The following WDR48 variants were observed in gnomAD, a reference collection of about 807,000 sequenced individuals.
WDR48 encodes WD repeat-containing protein 48.
Under a neutral mutation model 94.0 loss-of-function variants are expected in WDR48, and 22 were observed. The observed-to-expected ratio is 0.23, with a 90% confidence interval of 0.17 to 0.33. The LOEUF is 0.33. Ranked by LOEUF, WDR48 falls within the 10% of genes least tolerant of loss-of-function variation. The pLI is 1.00. For missense variants in WDR48, 541 were observed against 813.8 expected (o/e 0.66, Z 4.08); for synonymous variants, 278 against 280.5 (o/e 0.99, Z 0.09).
intron 17 of WDR48, among the ~76,000 whole-genome samples, chr3:39,092,128 T>G (rs914725930): frequency 1.3e-5 from 2 of 152,198 alleles, no homozygotes; most frequent in African/African-American, 4.8e-5. Flanking sequence ...GCAAAGATCA[T>G]GCTACTGCAC....
In WDR48 at chr3:39,096,598, C is replaced by T. The variant is rs1253200671; in HGVS notation, c.*1855C>T. ...TACAGTTTCCAGAAAATTCGACAGT[C>T]TGCAATGCCAAAAGGGTAAAAATCT... is the stretch of plus-strand genomic sequence containing the variant. On this transcript the variant is annotated 3_prime_UTR_variant, in exon 19 of 19. Transcript: ENST00000302313. The T allele has an allele frequency of 2.6e-5, 4 of 152,132 alleles. No homozygotes were observed. The highest frequency in any genetic ancestry group is 7.2e-5 in the African/African-American group (3 of 41,442). 9.4% of individuals were successfully genotyped at this position (152,132 alleles called of 1,614,324 possible).
At chr3:39,084,865 G>A (rs1307533030) in intron 13 of WDR48, 124 bp downstream of exon 13, 1 of 707,112 alleles carries the variant, frequency 1.4e-6, no homozygotes, top group Non-Finnish European at 2.3e-6. Flanking sequence ...TCCTAAAAAT[G>A]TGGTATGTAC....
Position 39,091,636 on chromosome 3 carries a change from C to A in WDR48, c.1680C>A (p.Pro560=), listed in dbSNP as rs1415109308. Residue 560 remains proline (P), a synonymous_variant, in exon 17 of 19, where the codon CCC becomes CCA. Transcript: ENST00000302313. The part of the protein sequence containing the change: ...VIDITVDKNM[P]KFNKIPFYLQ... ...TTTTACTGTTTCAGAAAAATATGCC[C>A]AAATTCAACAAAATTCCTTTCTACC... 6.2e-7 allele frequency: 1 copy of A among 1,604,864 alleles called. No homozygotes were observed. Among genetic ancestry groups the A allele is most frequent in the Admixed American group, 1.7e-5 (1 of 57,826 alleles).
At chr3:39,067,962 A>G (rs546819800) in intron 5 of WDR48, among the ~76,000 whole-genome samples, 1 of 152,108 alleles carries the variant, frequency 6.6e-6, no homozygotes, top group Non-Finnish European at 1.5e-5. Flanking sequence ...GCCTGCCTCA[A>G]AGAGACACTA....
At chr3:39,071,279 G>A (rs550668012) in intron 7 of WDR48, among the ~76,000 whole-genome samples, 2 of 152,262 alleles carry the variant, frequency 1.3e-5, no homozygotes, top group East Asian at 3.9e-4. Context: ...TTAACTGTAA[G>A]CCAGGGCATT....
intron 10 of WDR48, among the ~76,000 whole-genome samples, chr3:39,079,192 T>C (rs1290509260): frequency 1.3e-5 from 2 of 151,078 alleles, no homozygotes; most frequent in African/African-American, 5.0e-5. Context: ...AGGACAGATA[T>C]GATCCTCAAA....
chr3:39,068,001 A>G (rs1393956531), intron 5 of WDR48, among the ~76,000 whole-genome samples: 1 of 152,106 alleles, frequency 6.6e-6, no homozygotes, highest in Admixed American at 6.6e-5. Flanking sequence ...AAAAAAAAAA[A>G]GCAGGTTGTC....
intron 14 of WDR48, among the ~76,000 whole-genome samples, chr3:39,087,083 T>C (rs149023881): frequency 6.6e-6 from 1 of 152,184 alleles, no homozygotes; most frequent in Admixed American, 6.5e-5. Context: ...AGAGAGTTAC[T>C]TATGGAAAGC....
chr3:39,060,410 GTGTGTGTGCA>G (rs987834893), intron 1 of WDR48, among the ~76,000 whole-genome samples: 2 of 133,982 alleles, frequency 1.5e-5, no homozygotes, highest in African/African-American at 6.3e-5. Context: ...AGTACAGTGT[GTGTGTGTGCA>G]TATATATATA....
At chr3:39,058,334 G>A (rs1015330249) in intron 1 of WDR48, among the ~76,000 whole-genome samples, 1 of 152,200 alleles carries the variant, frequency 6.6e-6, no homozygotes, top group Non-Finnish European at 1.5e-5. Flanking sequence ...ATCCAACTAG[G>A]ATACTTCTAA....
intron 11 of WDR48, among the ~76,000 whole-genome samples, chr3:39,082,641 A>G (rs12636980): frequency 0.29 from 44,562 of 151,996 alleles, 6,852 homozygotes; most frequent in African/African-American, 0.38. Context: ...TGAGTCCCAG[A>G]TTTCTTGATT....
chr3:39,055,868 G>C (rs534487886), intron 1 of WDR48, among the ~76,000 whole-genome samples: 1 of 152,086 alleles, frequency 6.6e-6, no homozygotes, highest in African/African-American at 2.4e-5. Flanking sequence ...CGCTTAACTT[G>C]CTGCCACTTC....
At chr3:39,077,279 G>T in intron 9 of WDR48, 66 bp downstream of exon 9, 1 of 1,574,408 alleles carries the variant, frequency 6.4e-7, no homozygotes, top group Non-Finnish European at 8.7e-7. Flanking sequence ...ACCTGTAGAC[G>T]CCAGTTGCAA....
intron 18 of WDR48, chr3:39,094,362 C>T (rs1304985531): frequency 1.7e-5 from 25 of 1,448,464 alleles, no homozygotes; most frequent in South Asian, 2.9e-5. Flanking sequence ...TGAAGGTGTG[C>T]GGAGAAATGG....
At chr3:39,054,552 T>A (rs1032307876) in intron 1 of WDR48, among the ~76,000 whole-genome samples, 13 of 152,246 alleles carry the variant, frequency 8.5e-5, no homozygotes, top group African/African-American at 1.2e-4. Context: ...GTATTCACTG[T>A]TTTGTGTCTT....
intron 1 of WDR48, among the ~76,000 whole-genome samples, chr3:39,061,551 A>C (rs1447296232): frequency 6.6e-6 from 1 of 152,188 alleles, no homozygotes; most frequent in Non-Finnish European, 1.5e-5. Context: ...ATAGTGCTGC[A>C]ATAAACATAC....
chr3:39,067,597 G>A (rs1231330041), intron 5 of WDR48, among the ~76,000 whole-genome samples: 1 of 152,188 alleles, frequency 6.6e-6, no homozygotes, highest in African/African-American at 2.4e-5. Context: ...ACTGTTAGGA[G>A]CACATTTTTG....
chr3:39,079,612 G>A, intron 10 of WDR48, 99 bp from the exon 11 acceptor site: 2 of 817,448 alleles, frequency 2.4e-6, no homozygotes, highest in Non-Finnish European at 3.8e-6. Flanking sequence ...AGCTAGTACA[G>A]TTTATGTTCC....
chr3:39,075,751 T>C (rs1166160885), intron 8 of WDR48, among the ~76,000 whole-genome samples: 2 of 151,842 alleles, frequency 1.3e-5, no homozygotes, highest in African/African-American at 4.8e-5. Flanking sequence ...TGGAGTGCAG[T>C]GATGCGATCT....
Sources: allele counts gnomAD v4.1 joint callset (sites outside exome capture counted in the v4.1 genomes callset), GRCh38; gene constraint gnomAD v4.1.1; transcripts MANE v1.5; gene names NCBI Gene and HGNC (gene_info 2026-07-23, HGNC 2026-07-21).